Variants in TTC21A observed in about 807,000 individuals in gnomAD.
The protein encoded by TTC21A is tetratricopeptide repeat domain 21A.
In TTC21A, 128 loss-of-function variants were observed where a neutral mutation model predicts 156.4. That is an observed-to-expected ratio of 0.82 (90% CI 0.71 to 0.95). TTC21A has a LOEUF of 0.95. Ranked by LOEUF, TTC21A falls within the 40% of genes least tolerant of loss-of-function variation. TTC21A has a pLI of 0.00. For synonymous variants in TTC21A, 587 were observed against 617.1 expected (o/e 0.95, Z 0.72); for missense variants, 1,435 against 1,602.3 (o/e 0.90, Z 1.78).
chr3:39,133,024 C>G (rs1428201222), intron 19 of TTC21A, 28 bp from the exon 20 acceptor site: 1 of 1,612,222 alleles, frequency 6.2e-7, no homozygotes, highest in Admixed American at 1.7e-5. Context: ...CTCTGAGTTT[C>G]TGATCCTGGC....
chr3:39,119,898 A>T (rs770634198), intron 7 of TTC21A, 24 bp from the exon 8 acceptor site: 6 of 1,526,316 alleles, frequency 3.9e-6, no homozygotes, highest in East Asian at 2.2e-5. Flanking sequence ...TTGCATGTTG[A>T]CATTCTCTGT....
At chr3:39,128,546 T>G (rs1432312928) in intron 13 of TTC21A, 58 bp downstream of exon 13, 1 of 1,609,392 alleles carries the variant, frequency 6.2e-7, no homozygotes, top group Non-Finnish European at 8.5e-7. Context: ...GGCCCCTGTT[T>G]GCCTTCTGAG....
At position 39,130,329 on chromosome 3, in the gene TTC21A, G is replaced by A. The variant is rs764295625; in HGVS notation, c.2290G>A (p.Ala764Thr). Residue 764 changes from alanine to threonine, a missense_variant, in exon 17 of 29, where the codon GCT (alanine) becomes ACT (threonine). By Grantham distance (58) the Ala-to-Thr change is moderately conservative. Transcript: ENST00000683103. The surrounding 1 kb of genome is among the most constrained non-coding windows in gnomAD (Gnocchi z 4.5). ...CTCCCTGGCCAGCAGAATTGGGCAC[G>A]CTTATGTGAAGGCCCACCAGTATAC... ...DASLASRIGHAYVKAHQYTEA... is the reference protein window; with the variant it reads ...DASLASRIGHTYVKAHQYTEA... 3.7e-6 allele frequency: 6 copies of A among 1,613,444 alleles called. No homozygotes were observed. The highest frequency in any genetic ancestry group is 1.6e-4 in the Middle Eastern group (1 of 6,084).
In TTC21A at chr3:39,114,577, C is replaced by G. The variant is rs2037118473; in HGVS notation, c.559-8C>G. 6.2e-7 allele frequency: 1 copy of G among 1,613,970 alleles called. No homozygotes were observed. Among genetic ancestry groups the G allele is most frequent in the Non-Finnish European group, 8.5e-7 (1 of 1,179,918 alleles). On this transcript the variant is annotated splice_region_variant and splice_polypyrimidine_tract_variant and intron_variant, in intron 5 of 28. Coordinates refer to ENST00000683103, the MANE Select transcript of TTC21A (RefSeq NM_001366900.1). ...TTCACGGAGGCTCTTCTGTCTGGCTCCCAACAGGCAATGTACTTCATGATG... is the reference window on the plus strand; with the variant it reads ...TTCACGGAGGCTCTTCTGTCTGGCTGCCAACAGGCAATGTACTTCATGATG...
intron 9 of TTC21A, 37 bp downstream of exon 9, chr3:39,121,226 C>T (rs372844330): frequency 4.9e-4 from 778 of 1,575,242 alleles, no homozygotes; most frequent in Non-Finnish European, 6.1e-4. Flanking sequence ...GGATGGGTGT[C>T]GGGAGCCAAA....
intron 3 of TTC21A, chr3:39,110,397 T>G: frequency 1.7e-6 from 1 of 574,732 alleles, no homozygotes; most frequent in Non-Finnish European, 3.1e-6. Context: ...ATCCCAAGAG[T>G]TGGGGAAACA....
chr3:39,109,081 A>G lies in TTC21A; in HGVS notation c.28-4A>G, dbSNP rs760230536. On this transcript the variant is annotated splice_polypyrimidine_tract_variant and splice_region_variant and intron_variant, in intron 1 of 28. Transcript: ENST00000683103. Reference sequence around the variant, plus strand: ...CTATTGCAGTTATGTCTTCCTTCATACAGGCTGGGATCATTTACTATAGCC... The same window carrying G: ...CTATTGCAGTTATGTCTTCCTTCATGCAGGCTGGGATCATTTACTATAGCC... 3 of 1,613,180 alleles carry G rather than the reference A, an allele frequency of 1.9e-6. No individual in the cohort carries two copies. In the African/African-American group the frequency reaches 4.0e-5, roughly 22 times the overall value.
chr3:39,129,343 T>C lies in TTC21A; in HGVS notation c.2135+33T>C, dbSNP rs781487919. On this transcript the variant is annotated intron_variant, in intron 15 of 28. Coordinates refer to ENST00000683103, the MANE Select transcript of TTC21A (RefSeq NM_001366900.1). ...CCACAGGCAGCACAATGACAGCTTC[T>C]TCTCCAATGGTATCTTAGGGAGTGT... The C allele has an allele frequency of 2.7e-6, 4 of 1,491,488 alleles. No individual in the cohort carries two copies. In the South Asian group the frequency reaches 4.5e-5, roughly 17 times the overall value. The allele number at this position is 1,491,488 out of a possible 1,614,324, so 92.4% of individuals were successfully genotyped here.
At chr3:39,136,839 T>A in intron 23 of TTC21A, 60 bp from the exon 24 acceptor site, 1 of 1,592,812 alleles carries the variant, frequency 6.3e-7, no homozygotes. Context: ...TCCTTGTATA[T>A]CCCTGCCCTG....
In TTC21A at chr3:39,138,343, A is replaced by G; in HGVS notation, c.3752A>G (p.Tyr1251Cys). 6.2e-7 allele frequency: 1 copy of G among 1,614,178 alleles called. No individual in the cohort carries two copies. The highest frequency in any genetic ancestry group is 1.1e-5 in the South Asian group (1 of 91,084). ...EQSYKDAVTNYKLAWKYSHHA... is the reference protein window; with the variant it reads ...EQSYKDAVTNCKLAWKYSHHA... ...TCCTACAAGGATGCAGTCACCAACT[A>G]CAAACTGGCCTGGAAGTACAGTCAT... Residue 1251 changes from tyrosine (Y) to cysteine (C), a missense_variant, in exon 27 of 29, where the codon TAC (tyrosine) becomes TGC (cysteine). Transcript: ENST00000683103.
At position 39,130,894 on chromosome 3, in the gene TTC21A, C is replaced by T; in HGVS notation, c.2458+55C>T. On this transcript the variant is annotated intron_variant, in intron 18 of 28. Coordinates refer to ENST00000683103, the MANE Select transcript of TTC21A (RefSeq NM_001366900.1). The surrounding 1 kb of genome is among the most constrained non-coding windows in gnomAD (Gnocchi z 4.5). The stretch of plus-strand genomic sequence containing the variant: ...ATTTGGAGCAGACATACTCCTCCCC[C>T]ATTCCCCATTAGCTGAAGTCCTGAT... 1.9e-6 allele frequency: 3 copies of T among 1,610,498 alleles called. No homozygotes were observed. The highest frequency in any genetic ancestry group is 2.2e-5 in the East Asian group (1 of 44,840).
chr3:39,113,074 GA>G (rs1279107940), intron 5 of TTC21A, among the ~76,000 whole-genome samples: 1 of 151,962 alleles, frequency 6.6e-6, no homozygotes, highest in African/African-American at 2.4e-5. Flanking sequence ...ATCTTTGAGA[GA>G]AAAAATGTCC....
At chr3:39,112,372 T>C in intron 4 of TTC21A, 86 bp from the exon 5 acceptor site, 1 of 1,462,212 alleles carries the variant, frequency 6.8e-7, no homozygotes, top group South Asian at 1.2e-5. Context: ...CTCAGGGTTT[T>C]GGGTGGCAAA....
intron 8 of TTC21A, 82 bp downstream of exon 8, chr3:39,120,102 CTT>C: frequency 1.0e-6 from 1 of 988,460 alleles, no homozygotes; most frequent in Non-Finnish European, 1.6e-6. Context: ...CAGGAAGCTC[CTT>C]GAGTGCCTTA....
Position 39,137,533 on chromosome 3 carries a change from C to T in TTC21A, c.3498C>T (p.Phe1166=), listed in dbSNP as rs1321234160. Reference sequence around the variant, plus strand: ...TGGCCTTGGCACAAGCCTACGTGTTCCTGAAGCAGATCCCCAAGGCGCGTA... The same window carrying T: ...TGGCCTTGGCACAAGCCTACGTGTTTCTGAAGCAGATCCCCAAGGCGCGTA... ...ALLALAQAYV[F]LKQIPKARMQ... The change falls in exon 26 of 29, where the codon TTC becomes TTT. Residue 1166 remains phenylalanine (F), a synonymous_variant. Transcript: ENST00000683103. The T allele has an allele frequency of 1.2e-6, 2 of 1,614,112 alleles. No individual in the cohort carries two copies. Among genetic ancestry groups the T allele is most frequent in the Non-Finnish European group, 1.7e-6 (2 of 1,180,052 alleles).
rs187725777 is a variant in TTC21A at position 39,130,127 on chromosome 3, C to T, written c.2184C>T (p.Gly728=). The change falls in exon 16 of 29, where the codon GGC becomes GGT. Residue 728 remains glycine (G), a synonymous_variant. Coordinates refer to ENST00000683103, the MANE Select transcript of TTC21A (RefSeq NM_001366900.1). This position sits in a 1 kb window ranked among gnomAD's most constrained non-coding sequence, Gnocchi z 4.5. Reference sequence around the variant, plus strand: ...GCCCCCACACCAGCCTGCTACTGGGCGATGCCTTAATGAGCATTCTGGAGG... The same window carrying T: ...GCCCCCACACCAGCCTGCTACTGGGTGATGCCTTAATGAGCATTCTGGAGG... ...LPGPHTSLLL[G]DALMSILEPE... The T allele has an allele frequency of 8.1e-6, 13 of 1,614,090 alleles. No homozygotes were observed. Among genetic ancestry groups the T allele is most frequent in the South Asian group, 6.6e-5 (6 of 91,020 alleles).
intron 9 of TTC21A, 55 bp downstream of exon 9, chr3:39,121,244 G>A (rs2037743382): frequency 6.6e-7 from 1 of 1,505,230 alleles, no homozygotes; most frequent in Non-Finnish European, 9.1e-7. Context: ...AAACCGGGCA[G>A]CTTCCATGGG....
At chr3:39,109,367 C>G (rs1224407118) in intron 2 of TTC21A, among the ~76,000 whole-genome samples, 153 bp downstream of exon 2, 1 of 152,188 alleles carries the variant, frequency 6.6e-6, no homozygotes, top group African/African-American at 2.4e-5. Context: ...TCCACAGAGG[C>G]CTACGTAATC....
At position 39,114,596 on chromosome 3, in the gene TTC21A, C is replaced by G. The variant is rs1274258762; in HGVS notation, c.570C>G (p.Phe190Leu). The change falls in exon 6 of 29, where the codon TTC becomes TTG. Residue 190 changes from phenylalanine to leucine, a missense_variant. By Grantham distance (22) the Phe-to-Leu change is conservative. Coordinates refer to ENST00000683103, the MANE Select transcript of TTC21A (RefSeq NM_001366900.1). ...CTGGCTCCCAACAGGCAATGTACTTCATGATGCAGCAGAACTACTCAGAGG... is the reference window on the plus strand; with the variant it reads ...CTGGCTCCCAACAGGCAATGTACTTGATGATGCAGCAGAACTACTCAGAGG... ...VLGLMGKAMY[F>L]MMQQNYSEAL... 6.2e-7 allele frequency: 1 copy of G among 1,614,202 alleles called. No individual in the cohort carries two copies. Among genetic ancestry groups the G allele is most frequent in the Non-Finnish European group, 8.5e-7 (1 of 1,180,020 alleles).
Sources: gnomAD v4.1 joint callset for allele counts (sites outside exome capture counted in the v4.1 genomes callset) on GRCh38, gnomAD v4.1.1 for gene constraint, Gnocchi (gnomAD v3.1) non-coding constraint, MANE v1.5 for transcripts, NCBI Gene and HGNC (gene_info 2026-07-23, HGNC 2026-07-21) for gene names.